The following DTNB variants were observed in gnomAD, a reference collection of about 807,000 sequenced individuals.
DTNB encodes DTN-B.
In DTNB, 63 loss-of-function variants were observed where a neutral mutation model predicts 90.7. The ratio of observed to expected loss-of-function variants is 0.69; its 90% CI spans 0.57 to 0.86. The LOEUF (loss-of-function observed/expected upper bound fraction) is 0.86, where lower values mean the gene tolerates loss of function less well. DTNB is among the 40% of genes least tolerant of loss of function. The pLI is 0.00. For synonymous variants in DTNB, 277 were observed against 286.7 expected, an observed-to-expected ratio of 0.97 and a Z score of 0.34; for missense variants, 744 against 807.1, an observed-to-expected ratio of 0.92 and a Z score of 0.95.
In DTNB at chr2:25,536,922, T is replaced by C. The variant is rs540704787; in HGVS notation, c.877-5325A>G. ...CATGCCTGGCTAATTTTTGTATTTTTAGTAGATACGGGGTTTCACCTGGTT... is the reference window on the plus strand; with the variant it reads ...CATGCCTGGCTAATTTTTGTATTTTCAGTAGATACGGGGTTTCACCTGGTT... On this transcript the variant is annotated intron_variant, in intron 8 of 20. Coordinates refer to ENST00000406818, the MANE Select transcript of DTNB (RefSeq NM_021907.5). Among the ~76,000 whole-genome samples, 5 of 152,248 alleles carry C rather than the reference T, an allele frequency of 3.3e-5. No homozygotes were observed. In the East Asian group the frequency reaches 9.7e-4, roughly 29 times the overall value.
In DTNB at chr2:25,627,278, G is replaced by A. The variant is rs532493843; in HGVS notation, c.362+893C>T. Among the ~76,000 whole-genome samples the A allele has an allele frequency of 2.4e-4, 37 of 152,218 alleles. 1 individual carries two copies. Among genetic ancestry groups the A allele is most frequent in the African/African-American group, 8.9e-4 (37 of 41,534 alleles). ...AAATACAAAATTAGCTGGGCGTGGTGGCGCATGTCTGTAATCCCAGCTACT... is the reference window on the plus strand; with the variant it reads ...AAATACAAAATTAGCTGGGCGTGGTAGCGCATGTCTGTAATCCCAGCTACT... On this transcript the variant is annotated intron_variant, in intron 4 of 20. Transcript: ENST00000406818.
intron 15 of DTNB, 22 bp downstream of exon 15, chr2:25,427,513 A>G: frequency 1.9e-6 from 3 of 1,611,974 alleles, no homozygotes; most frequent in Non-Finnish European, 2.5e-6. Context: ...ACAAGAACTG[A>G]GCGTGGGCCA....
intron 12 of DTNB, among the ~76,000 whole-genome samples, chr2:25,435,234 T>G (rs2055323606): frequency 6.6e-6 from 1 of 152,200 alleles, no homozygotes; most frequent in South Asian, 2.1e-4. Flanking sequence ...TTGGCGAGGC[T>G]GGTCTCAAAC....
chr2:25,567,898 C>T (rs2059271235), intron 8 of DTNB, among the ~76,000 whole-genome samples: 1 of 152,162 alleles, frequency 6.6e-6, no homozygotes, highest in Non-Finnish European at 1.5e-5. Context: ...CGGTGGCTGA[C>T]GCCTGTAATC....
At position 25,640,822 on chromosome 2, in the gene DTNB, T is replaced by C. The variant is rs375261831; in HGVS notation, c.68-1728A>G. ...GAGATCAAGACCATCCTGACTAACA[T>C]GGTGAAACCCCGTCTCTACTAAAAA... On this transcript the variant is annotated intron_variant, in intron 2 of 20. Coordinates refer to ENST00000406818, the MANE Select transcript of DTNB (RefSeq NM_021907.5). Among the ~76,000 whole-genome samples the C allele has an allele frequency of 3.1e-3, 464 of 152,034 alleles. 2 individuals carry two copies. Among genetic ancestry groups the C allele is most frequent in the African/African-American group, 0.01 (434 of 41,476 alleles).
intron 16 of DTNB, among the ~76,000 whole-genome samples, chr2:25,410,519 G>A (rs1017087967): frequency 3.9e-5 from 6 of 152,114 alleles, no homozygotes; most frequent in Admixed American, 3.9e-4. Flanking sequence ...GAACATAAAA[G>A]AAACCAAAAC....
chr2:25,647,084 G>A (rs2602992), intron 2 of DTNB, among the ~76,000 whole-genome samples: 80,221 of 152,020 alleles, frequency 0.53, 21,485 homozygotes, highest in East Asian at 0.79. Flanking sequence ...ATGAAAAGAT[G>A]CATACTGTAC....
intron 9 of DTNB, among the ~76,000 whole-genome samples, chr2:25,493,584 T>A (rs775174253): frequency 6.6e-6 from 1 of 152,226 alleles, no homozygotes; most frequent in Non-Finnish European, 1.5e-5. Flanking sequence ...ATGTCCTTCA[T>A]AGATTGGCCA....
chr2:25,610,100 T>A (rs571765235), intron 4 of DTNB, among the ~76,000 whole-genome samples: 7 of 152,058 alleles, frequency 4.6e-5, no homozygotes, highest in African/African-American at 1.7e-4. Context: ...GTGAACTATA[T>A]TTTTTTTGTT....
chr2:25,380,324 C>G (rs1224867411), intron 19 of DTNB, among the ~76,000 whole-genome samples: 3 of 152,168 alleles, frequency 2.0e-5, no homozygotes, highest in African/African-American at 7.2e-5. Context: ...AAATCTCAGG[C>G]CTAGCTCATG....
chr2:25,410,147 T>A (rs2046234596), intron 16 of DTNB, among the ~76,000 whole-genome samples: 1 of 152,220 alleles, frequency 6.6e-6, no homozygotes, highest in Non-Finnish European at 1.5e-5. Context: ...AGGAATTCAA[T>A]ATTCTTCCAG....
chr2:25,615,159 G>A (rs569361818), intron 4 of DTNB, among the ~76,000 whole-genome samples: 1 of 152,186 alleles, frequency 6.6e-6, no homozygotes, highest in Admixed American at 6.5e-5. Context: ...AAAAGATACA[G>A]ATGAACAGTC....
intron 15 of DTNB, among the ~76,000 whole-genome samples, chr2:25,421,878 A>G (rs2049831801): frequency 6.6e-6 from 1 of 152,222 alleles, no homozygotes; most frequent in African/African-American, 2.4e-5. Flanking sequence ...TGCAGTAGAT[A>G]TATCAGGTTA....
chr2:25,378,394 G>C (rs745450210), intron 20 of DTNB, among the ~76,000 whole-genome samples: 1 of 152,174 alleles, frequency 6.6e-6, no homozygotes, highest in African/African-American at 2.4e-5. Flanking sequence ...GAGGCTGCAG[G>C]GGCCCCGGGG....
chr2:25,611,434 C>T (rs1044699042), intron 4 of DTNB, among the ~76,000 whole-genome samples: 4 of 152,058 alleles, frequency 2.6e-5, no homozygotes, highest in African/African-American at 9.7e-5. Context: ...TACAATCAGC[C>T]CTCAGTATTC....
chr2:25,673,238 GC>G (rs1553680206), intron 1 of DTNB, 147 bp downstream of exon 1: 1 of 151,490 alleles, frequency 6.6e-6, no homozygotes, highest in Non-Finnish European at 1.5e-5. Context: ...GGCTCCCCGC[GC>G]CCTCCCCGAC....
intron 9 of DTNB, among the ~76,000 whole-genome samples, chr2:25,498,678 T>C (rs2069611316): frequency 6.6e-6 from 1 of 151,230 alleles, no homozygotes; most frequent in Non-Finnish European, 1.5e-5. Context: ...AAACCTCATC[T>C]CTACAAAAGA....
chr2:25,622,426 G>A (rs1559273603), intron 4 of DTNB, among the ~76,000 whole-genome samples: 1 of 152,192 alleles, frequency 6.6e-6, no homozygotes, highest in Non-Finnish European at 1.5e-5. Flanking sequence ...GTTGCAGTGA[G>A]CCAAGATTGT....
rs1486348715 is a variant in DTNB at position 25,673,465 on chromosome 2, C to T, written c.-81G>A. 6.6e-6 allele frequency: 1 copy of T among 151,092 alleles called. No homozygotes were observed. The highest frequency in any genetic ancestry group is 1.9e-4 in the East Asian group (1 of 5,160). 9.4% of individuals were successfully genotyped at this position (151,092 alleles called of 1,614,324 possible). On this transcript the variant is annotated 5_prime_UTR_variant, in exon 1 of 21. Coordinates refer to ENST00000406818, the MANE Select transcript of DTNB (RefSeq NM_021907.5). ...ACTCCTCCGCACGCTCCGGCCCAGC[C>T]CCCTCGGCTGAGGCAGCGGCAGCGC...
Sources: gnomAD v4.1 joint callset for allele counts (sites outside exome capture counted in the v4.1 genomes callset) on GRCh38, gnomAD v4.1.1 for gene constraint, MANE v1.5 for transcripts, NCBI Gene and HGNC (gene_info 2026-07-23, HGNC 2026-07-21) for gene names.